The following ITGAD variants were observed in gnomAD, a reference collection of about 807,000 sequenced individuals.
ITGAD encodes the protein integrin subunit alpha D, also known as integrin alpha-D.
ITGAD carries 105 observed loss-of-function variants against 139.0 expected under a neutral mutation model. The observed-to-expected ratio is 0.76, with a 90% CI of 0.65 to 0.89. The LOEUF is 0.89. Ranked by LOEUF, ITGAD falls within the 40% of genes least tolerant of loss-of-function variation. The pLI, the probability that ITGAD is intolerant of heterozygous loss-of-function variation, is 0.00. For missense variants in ITGAD, 1,384 were observed against 1,487.3 expected, an observed-to-expected ratio of 0.93 and a Z score of 1.14; for synonymous variants, 569 against 598.3, an observed-to-expected ratio of 0.95 and a Z score of 0.71.
rs2081423519 is a variant in ITGAD, at chr16:31,402,158, C to T, written c.471C>T (p.Gly157=). ...QEMDIVFLID[G]SGSIDQNDFN... ...TGGACATCGTCTTCCTGATTGACGG[C>T]TCTGGAAGCATTGACCAAAATGACT... Residue 157 remains glycine (G), a synonymous_variant, in exon 6 of 30, where the codon GGC becomes GGT. Transcript: ENST00000389202. The T allele has an allele frequency of 1.6e-5, 26 of 1,613,818 alleles. No homozygotes were observed. The highest frequency in any genetic ancestry group is 2.2e-5 in the Non-Finnish European group (26 of 1,179,760).
At chr16:31,419,838 A>G (rs952068339) in intron 23 of ITGAD, among the ~76,000 whole-genome samples, 4 of 151,954 alleles carry the variant, frequency 2.6e-5, no homozygotes, top group South Asian at 4.1e-4. Flanking sequence ...AAAAGAAAAA[A>G]AAAGAAAAGA....
rs763319991 is a variant in ITGAD, at chr16:31,397,378, CT to C, written c.158del (p.Leu53ArgfsTer34). ...CTCCAGACTCGTGGTGGGAGCACCC[CT>C]GGAGGTGGTGGCGGCCAACCAGACG... is the stretch of plus-strand genomic sequence containing the variant. ...GGSRLVVGAP[L>X]EVVAANQTGR... On this transcript the variant is annotated frameshift_variant, in exon 3 of 30. Coordinates refer to ENST00000389202, the MANE Select transcript of ITGAD (RefSeq NM_005353.3). LOFTEE classifies it high-confidence loss of function. 4 of 1,602,358 alleles carry C rather than the reference CT, an allele frequency of 2.5e-6. No individual in the cohort carries two copies. Among genetic ancestry groups the C allele is most frequent in the Non-Finnish European group, 3.4e-6 (4 of 1,174,982 alleles).
At chr16:31,421,992 G>A (rs1449128282) in intron 23 of ITGAD, among the ~76,000 whole-genome samples, 1 of 152,114 alleles carries the variant, frequency 6.6e-6, no homozygotes, top group Non-Finnish European at 1.5e-5. Flanking sequence ...GGGGAGTGGT[G>A]TGAACATAGC....
At chr16:31,413,014 A>T (rs778571597) in intron 15 of ITGAD, 46 bp downstream of exon 15, 25 of 1,602,908 alleles carry the variant, frequency 1.6e-5, no homozygotes, top group Admixed American at 8.4e-5. Flanking sequence ...TGTCTGATTC[A>T]CCGGTGCTGC....
At chr16:31,394,464 G>A in intron 2 of ITGAD, 123 bp downstream of exon 2, 2 of 625,196 alleles carry the variant, frequency 3.2e-6, no homozygotes, top group Admixed American at 5.5e-5. Flanking sequence ...GTCTTCCCTT[G>A]GCTCCTTGGA....
In ITGAD at chr16:31,423,673, C is replaced by A. The variant is rs113188228; in HGVS notation, c.3045+25C>A. On this transcript the variant is annotated intron_variant, in intron 26 of 29. Transcript: ENST00000389202. Reference sequence around the variant, plus strand: ...GGTGAGAAAGTCCCTGAACCCCCACCGCCAAGATCAGCCCCCACCGGGGAT... The same window carrying A: ...GGTGAGAAAGTCCCTGAACCCCCACAGCCAAGATCAGCCCCCACCGGGGAT... 176 of 1,601,690 alleles carry A rather than the reference C, an allele frequency of 1.1e-4. 4 individuals are homozygous for A. The South Asian group carries it at 1.6e-3, about 15-fold the overall frequency.
intron 20 of ITGAD, among the ~76,000 whole-genome samples, chr16:31,417,547 T>G (rs936078670): frequency 6.6e-6 from 1 of 151,860 alleles, no homozygotes; most frequent in Non-Finnish European, 1.5e-5. Context: ...TTCTTTTTCT[T>G]CTTTCTCCTC....
At chr16:31,424,079 G>A (rs1455531250) in intron 27 of ITGAD, 23 bp from the exon 28 acceptor site, 1 of 1,614,130 alleles carries the variant, frequency 6.2e-7, no homozygotes, top group Non-Finnish European at 8.5e-7. Flanking sequence ...CAGTTCCACA[G>A]GTTTCCCCCA....
chr16:31,402,551 CTTTT>C (rs1349615742), intron 6 of ITGAD: 7 of 216,716 alleles, frequency 3.2e-5, no homozygotes, highest in Non-Finnish European at 6.5e-5. Flanking sequence ...CTAATGATTT[CTTTT>C]TATTATTTTA....
At chr16:31,405,764 C>T (rs979051078) in intron 7 of ITGAD, among the ~76,000 whole-genome samples, 2 of 151,680 alleles carry the variant, frequency 1.3e-5, no homozygotes, top group African/African-American at 4.8e-5. Flanking sequence ...GACTCAGCCT[C>T]CCGAGTTGGG....
At chr16:31,394,825 T>A (rs1223618175) in intron 2 of ITGAD, among the ~76,000 whole-genome samples, 1 of 152,172 alleles carries the variant, frequency 6.6e-6, no homozygotes, top group African/African-American at 2.4e-5. Context: ...GTGCATGCCA[T>A]CATGCCTGTT....
At chr16:31,397,301 G>A (rs1207283473) in intron 2 of ITGAD, 58 bp from the exon 3 acceptor site, 4 of 1,173,988 alleles carry the variant, frequency 3.4e-6, no homozygotes, top group East Asian at 5.2e-5. Flanking sequence ...ACCCCCAAGT[G>A]CCCGCTGCTC....
At chr16:31,413,801 C>G (rs1011117168) in intron 16 of ITGAD, among the ~76,000 whole-genome samples, 1 of 152,156 alleles carries the variant, frequency 6.6e-6, no homozygotes, top group African/African-American at 2.4e-5. Context: ...TCCCATGGTC[C>G]CGGATGTTCT....
rs1597130525 is a variant in ITGAD, at chr16:31,408,480, C to G, written c.1065C>G (p.Phe355Leu). 1.2e-6 allele frequency: 2 copies of G among 1,613,932 alleles called. No homozygotes were observed. The highest frequency in any genetic ancestry group is 2.2e-5 in the South Asian group (2 of 91,082). ...SFQHEMSQEG[F>L]STALTMDGLF... ...AGCACGAGATGTCCCAAGAAGGCTT[C>G]AGCACAGCCCTCACAATGGTGGGTA... Residue 355 changes from phenylalanine (F) to leucine (L), a missense_variant, in exon 10 of 30, where the codon TTC (phenylalanine) becomes TTG (leucine). By Grantham distance (22) the Phe-to-Leu change is conservative. Transcript: ENST00000389202.
rs751008986 is a variant in ITGAD, at chr16:31,413,254, TC to T, written c.1996+13del. ...GCTCACTGGACCAGCTAGGTGTGTT[TC>T]CCCCATAAAGGGGGCCCAGGCCCCT... On this transcript the variant is annotated intron_variant, in intron 16 of 29. Coordinates refer to ENST00000389202, the MANE Select transcript of ITGAD (RefSeq NM_005353.3). 45 of 1,613,624 alleles carry T rather than the reference TC, an allele frequency of 2.8e-5. No individual in the cohort carries two copies. In the East Asian group the frequency reaches 1.0e-3, roughly 36 times the overall value.
intron 1 of ITGAD, 144 bp downstream of exon 1, chr16:31,393,535 C>A (rs1408075907): frequency 2.4e-6 from 2 of 834,850 alleles, no homozygotes; most frequent in East Asian, 2.6e-5. Context: ...GCGAGTGGCC[C>A]GGAGTCAGTA....
At chr16:31,417,212 A>G (rs891930353) in intron 20 of ITGAD, among the ~76,000 whole-genome samples, 2 of 131,146 alleles carry the variant, frequency 1.5e-5, no homozygotes, top group African/African-American at 6.0e-5. Context: ...CCCAGCTAAT[A>G]TTTATTTATT....
intron 19 of ITGAD, 65 bp from the exon 20 acceptor site, chr16:31,416,440 T>C: frequency 6.4e-7 from 1 of 1,572,110 alleles, no homozygotes; most frequent in South Asian, 1.1e-5. Flanking sequence ...GATTCTGCCC[T>C]GCCCTTCCCA....
chr16:31,414,761 G>A lies in ITGAD; in HGVS notation c.2152-99G>A, dbSNP rs956591454. ...GAGAACCTGGCTCCACGGCTTGGAGGGAGCACTGTCAGGGCAGTGGGGAGT... is the reference window on the plus strand; with the variant it reads ...GAGAACCTGGCTCCACGGCTTGGAGAGAGCACTGTCAGGGCAGTGGGGAGT... On this transcript the variant is annotated intron_variant, in intron 17 of 29. Coordinates refer to ENST00000389202, the MANE Select transcript of ITGAD (RefSeq NM_005353.3). 6 of 1,556,564 alleles carry A rather than the reference G, an allele frequency of 3.9e-6. No individual in the cohort carries two copies. In the Admixed American group the frequency reaches 1.0e-4, roughly 27 times the overall value.
Sources: allele counts gnomAD v4.1 joint callset (sites outside exome capture counted in the v4.1 genomes callset), GRCh38; gene constraint gnomAD v4.1.1; transcripts MANE v1.5; gene names NCBI Gene and HGNC (gene_info 2026-07-23, HGNC 2026-07-21).